Variants in DCC observed in about 807,000 individuals in gnomAD.
DCC encodes DCC netrin 1 receptor.
DCC carries 58 observed loss-of-function variants against 172.5 expected under a neutral mutation model. The ratio of observed to expected loss-of-function variants is 0.34; its 90% CI spans 0.27 to 0.42. The LOEUF (loss-of-function observed/expected upper bound fraction) is 0.42, where lower values mean the gene tolerates loss of function less well. DCC is among the 10% of genes least tolerant of loss of function. The pLI is 1.00. For synonymous variants in DCC, 709 were observed against 644.5 expected (o/e 1.10, Z -1.52); for missense variants, 1,740 against 1,791.0 (o/e 0.97, Z 0.51).
intron 25 of DCC, among the ~76,000 whole-genome samples, chr18:53,476,096 G>A (rs188329793): frequency 8.5e-5 from 13 of 152,264 alleles, no homozygotes; most frequent in East Asian, 1.9e-4. Flanking sequence ...CATTTGGAAC[G>A]GCTGTATTTA....
At chr18:52,775,471 C>A (rs979374256) in intron 2 of DCC, among the ~76,000 whole-genome samples, 2 of 152,146 alleles carry the variant, frequency 1.3e-5, no homozygotes, top group African/African-American at 4.8e-5. Context: ...TCAGATCACA[C>A]GTGAGCTTGG....
intron 2 of DCC, among the ~76,000 whole-genome samples, chr18:52,800,119 G>A (rs1324000556): frequency 6.6e-6 from 1 of 152,152 alleles, no homozygotes; most frequent in Non-Finnish European, 1.5e-5. Flanking sequence ...GTGGTGTTCA[G>A]TGAATTAATG....
intron 7 of DCC, among the ~76,000 whole-genome samples, chr18:53,132,081 G>A (rs1244748216): frequency 6.8e-6 from 1 of 146,632 alleles, no homozygotes; most frequent in East Asian, 2.1e-4. Flanking sequence ...TAGTGAAAGT[G>A]TGTCTTCTCG....
Position 53,295,797 on chromosome 18 carries a change from A to G in DCC, c.1912-9781A>G, listed in dbSNP as rs573404749. On this transcript the variant is annotated intron_variant, in intron 12 of 28. Coordinates refer to ENST00000442544, the MANE Select transcript of DCC (RefSeq NM_005215.4). The stretch of plus-strand genomic sequence containing the variant: ...CAGAAAACCTTATCCATGTAAATGC[A>G]TTATTATCTACCGTGTTGCCTATGT... 2.0e-5 allele frequency among the ~76,000 whole-genome samples: 3 copies of G among 152,262 alleles called. No individual in the cohort carries two copies. In the East Asian group the frequency reaches 5.8e-4, roughly 29 times the overall value.
At chr18:53,115,460 T>C (rs146743157) in intron 7 of DCC, among the ~76,000 whole-genome samples, 62 of 151,432 alleles carry the variant, frequency 4.1e-4, no homozygotes, top group African/African-American at 1.4e-3. Flanking sequence ...TAGAAACTAG[T>C]AGTGACTTAA....
At chr18:53,266,280 T>A (rs960980752) in intron 12 of DCC, among the ~76,000 whole-genome samples, 4 of 152,222 alleles carry the variant, frequency 2.6e-5, no homozygotes, top group African/African-American at 9.6e-5. Context: ...TCAATCCTCA[T>A]ACATTGTATG....
intron 5 of DCC, among the ~76,000 whole-genome samples, chr18:53,011,401 A>G (rs1356198301): frequency 6.6e-6 from 1 of 151,616 alleles, no homozygotes; most frequent in African/African-American, 2.4e-5. Flanking sequence ...TCCTCCTCAT[A>G]TTTAAATTCA....
intron 23 of DCC, among the ~76,000 whole-genome samples, chr18:53,452,945 T>A (rs908497958): frequency 6.6e-6 from 1 of 151,894 alleles, no homozygotes; most frequent in African/African-American, 2.4e-5. Flanking sequence ...AGATGGAGTC[T>A]CACTCTATTG....
intron 7 of DCC, among the ~76,000 whole-genome samples, chr18:53,077,783 C>T (rs867127721): frequency 3.3e-5 from 5 of 152,148 alleles, no homozygotes; most frequent in Non-Finnish European, 7.4e-5. Flanking sequence ...CACATGGAGG[C>T]TTCTCAGATA....
At chr18:52,341,813 G>T (rs1052898217) in intron 1 of DCC, among the ~76,000 whole-genome samples, 1 of 152,210 alleles carries the variant, frequency 6.6e-6, no homozygotes, top group Admixed American at 6.5e-5. Flanking sequence ...CACCGCAAGT[G>T]TAGATGGGCA....
chr18:53,227,322 T>C (rs1485546453), intron 12 of DCC, among the ~76,000 whole-genome samples: 1 of 152,162 alleles, frequency 6.6e-6, no homozygotes, highest in African/African-American at 2.4e-5. Context: ...GAAGTTATTT[T>C]AGTTTAATCT....
At chr18:52,427,489 T>C (rs1303868036) in intron 1 of DCC, among the ~76,000 whole-genome samples, 2 of 151,928 alleles carry the variant, frequency 1.3e-5, no homozygotes, top group Non-Finnish European at 2.9e-5. Flanking sequence ...AGATGTCAGG[T>C]TTGCACAGTG....
Position 52,476,717 on chromosome 18 carries a change from G to T in DCC, c.91+135839G>T, listed in dbSNP as rs551624210. Among the ~76,000 whole-genome samples the T allele has an allele frequency of 4.6e-5, 7 of 152,206 alleles. No homozygotes were observed. In the South Asian group the frequency reaches 1.5e-3, roughly 32 times the overall value. ...ATAAGTCACTGTCTGCAATAGTCAG[G>T]ATAGGCTAACTGCTACCAAAAAAAC... On this transcript the variant is annotated intron_variant, in intron 1 of 28. Transcript: ENST00000442544.
intron 5 of DCC, among the ~76,000 whole-genome samples, chr18:52,937,035 C>A (rs2040391334): frequency 6.6e-6 from 1 of 151,888 alleles, no homozygotes; most frequent in South Asian, 2.1e-4. Context: ...AGGGAATCAC[C>A]AAAGGAGTAG....
At chr18:52,558,694 G>A (rs2032970641) in intron 1 of DCC, among the ~76,000 whole-genome samples, 1 of 152,036 alleles carries the variant, frequency 6.6e-6, no homozygotes, top group Non-Finnish European at 1.5e-5. Flanking sequence ...GAGAACCCGG[G>A]TCTCCTCAGT....
chr18:53,072,452 T>C (rs1318607622), intron 7 of DCC, among the ~76,000 whole-genome samples: 1 of 152,152 alleles, frequency 6.6e-6, no homozygotes, highest in South Asian at 2.1e-4. Flanking sequence ...TTCTAGATGT[T>C]GCATGGCATT....
intron 1 of DCC, among the ~76,000 whole-genome samples, chr18:52,698,900 T>C (rs1179700764): frequency 6.6e-6 from 1 of 151,806 alleles, no homozygotes; most frequent in Non-Finnish European, 1.5e-5. Flanking sequence ...TGGGCCACCA[T>C]GCCTGGCCAA....
intron 1 of DCC, among the ~76,000 whole-genome samples, chr18:52,356,661 C>A (rs1984377102): frequency 1.3e-5 from 2 of 152,136 alleles, no homozygotes; most frequent in Non-Finnish European, 1.5e-5. Context: ...TCTCTCAATA[C>A]CTCTATCAAG....
At chr18:53,499,186 C>T (rs548435930) in intron 26 of DCC, 112 bp from the exon 27 acceptor site, 2 of 1,063,156 alleles carry the variant, frequency 1.9e-6, no homozygotes, top group Non-Finnish European at 2.9e-6. Flanking sequence ...GGAGAAGAGA[C>T]TGACCACATC....
Sources: allele counts gnomAD v4.1 joint callset (sites outside exome capture counted in the v4.1 genomes callset), GRCh38; gene constraint gnomAD v4.1.1; transcripts MANE v1.5; gene names NCBI Gene and HGNC (gene_info 2026-07-23, HGNC 2026-07-21).